ME3: variants seen among roughly 807,000 people sequenced by gnomAD.
The protein encoded by ME3 is NADP-dependent malic enzyme, mitochondrial.
In ME3, 48 loss-of-function variants were observed where a neutral mutation model predicts 68.9. The observed-to-expected ratio is 0.70, with a 90% CI of 0.55 to 0.89. The LOEUF (loss-of-function observed/expected upper bound fraction) is 0.89, where lower values mean the gene tolerates loss of function less well. Ranked by LOEUF, ME3 falls within the 40% of genes least tolerant of loss-of-function variation. The pLI, the probability that ME3 is intolerant of heterozygous loss-of-function variation, is 0.00. For missense variants in ME3, 675 were observed against 797.4 expected (o/e 0.85, Z 1.85); for synonymous variants, 320 against 318.8 (o/e 1.00, Z -0.04).
chr11:86,588,372 A>G (rs1229193211), intron 2 of ME3, among the ~76,000 whole-genome samples: 2 of 152,240 alleles, frequency 1.3e-5, no homozygotes, highest in Non-Finnish European at 2.9e-5. Context: ...GCTAACACAC[A>G]TTAATTACTT....
At chr11:86,628,304 G>A (rs1307848678) in intron 2 of ME3, among the ~76,000 whole-genome samples, 1 of 152,282 alleles carries the variant, frequency 6.6e-6, no homozygotes, top group East Asian at 1.9e-4. Flanking sequence ...CCAATACTTC[G>A]GGAGCCACTG....
intron 7 of ME3, among the ~76,000 whole-genome samples, chr11:86,481,481 C>T (rs1328924097): frequency 1.3e-5 from 2 of 152,166 alleles, no homozygotes; most frequent in Non-Finnish European, 1.5e-5. Flanking sequence ...GTATTCTTGA[C>T]AAGTTTCCTT....
intron 2 of ME3, among the ~76,000 whole-genome samples, chr11:86,583,204 A>T (rs145572228): frequency 6.6e-6 from 1 of 152,182 alleles, no homozygotes; most frequent in African/African-American, 2.4e-5. Context: ...ATGAGCACAG[A>T]CTGTGTGATA....
intron 4 of ME3, among the ~76,000 whole-genome samples, chr11:86,529,140 A>G (rs1955006059): frequency 6.6e-6 from 1 of 152,182 alleles, no homozygotes; most frequent in Non-Finnish European, 1.5e-5. Context: ...AGAGAGAAGA[A>G]TCAAATAGAC....
intron 2 of ME3, among the ~76,000 whole-genome samples, chr11:86,637,396 C>T (rs1944404384): frequency 6.7e-6 from 1 of 149,522 alleles, no homozygotes; most frequent in African/African-American, 2.5e-5. Context: ...GTGATAAGTG[C>T]CATGGCAGTG....
At chr11:86,648,673 T>C (rs577089451) in intron 2 of ME3, among the ~76,000 whole-genome samples, 7 of 152,264 alleles carry the variant, frequency 4.6e-5, no homozygotes, top group Admixed American at 4.6e-4. Flanking sequence ...CCCAAAGAAA[T>C]ACAAACTACC....
chr11:86,503,345 CCA>C (rs1376667599), intron 5 of ME3, among the ~76,000 whole-genome samples: 3 of 152,160 alleles, frequency 2.0e-5, no homozygotes, highest in African/African-American at 7.2e-5. Context: ...AGATATCAGC[CCA>C]CTTAGGGGAA....
At chr11:86,506,106 G>A (rs980379362) in intron 5 of ME3, among the ~76,000 whole-genome samples, 2 of 152,162 alleles carry the variant, frequency 1.3e-5, no homozygotes, top group African/African-American at 2.4e-5. Context: ...ACTAAAAGAT[G>A]GTTGAATGCA....
chr11:86,546,553 A>G (rs1956369433), intron 4 of ME3, among the ~76,000 whole-genome samples: 1 of 152,260 alleles, frequency 6.6e-6, no homozygotes, highest in Non-Finnish European at 1.5e-5. Context: ...CCACCAACAA[A>G]AATATGAAAA....
chr11:86,470,678 C>T (rs12804208), intron 7 of ME3, among the ~76,000 whole-genome samples: 13,329 of 152,294 alleles, frequency 0.088, 745 homozygotes, highest in Non-Finnish European at 0.13. Flanking sequence ...TGGTGGAACA[C>T]ACTTTGGGAG....
intron 7 of ME3, among the ~76,000 whole-genome samples, chr11:86,481,246 T>A (rs1439952144): frequency 8.9e-6 from 1 of 112,430 alleles, no homozygotes; most frequent in East Asian, 2.6e-4. Context: ...GAGACGGGGG[T>A]GTCACTATGT....
In ME3 at chr11:86,512,452, T is replaced by G. The variant is rs74385988; in HGVS notation, c.468-3585A>C. ...TTATTCACCACTATATCCCTAAACT[T>G]AGTCCATAATAGATGTGCAATGCAC... On this transcript the variant is annotated intron_variant, in intron 4 of 14. Coordinates refer to ENST00000543262, the Ensembl canonical transcript of ME3. 3.2e-3 allele frequency among the ~76,000 whole-genome samples: 480 copies of G among 152,346 alleles called. 1 individual carries two copies. Among genetic ancestry groups the G allele is most frequent in the African/African-American group, 0.011 (455 of 41,576 alleles).
At chr11:86,605,863 AC>A (rs1961559663) in intron 2 of ME3, among the ~76,000 whole-genome samples, 2 of 150,784 alleles carry the variant, frequency 1.3e-5, no homozygotes, top group African/African-American at 4.9e-5. Context: ...TCCACTTTAA[AC>A]CCCTGCCTCC....
In ME3 at chr11:86,491,643, G is replaced by C. The variant is rs141113747; in HGVS notation, c.706-4203C>G. The stretch of plus-strand genomic sequence containing the variant: ...AACTGATTCAGATATAAGAATGCCT[G>C]ACAGCAAGGGGTAGGAGTAGTAACC... On this transcript the variant is annotated intron_variant, in intron 6 of 14. Transcript: ENST00000543262. Among the ~76,000 whole-genome samples, 675 of 152,296 alleles carry C rather than the reference G, an allele frequency of 4.4e-3. 5 individuals are homozygous for C. The highest frequency in any genetic ancestry group is 0.015 in the African/African-American group (637 of 41,548).
At chr11:86,571,817 C>A (rs76930130) in intron 2 of ME3, among the ~76,000 whole-genome samples, 1 of 152,106 alleles carries the variant, frequency 6.6e-6, no homozygotes, top group East Asian at 1.9e-4. Context: ...TAGAGATTAA[C>A]GTAATGCAAG....
intron 2 of ME3, among the ~76,000 whole-genome samples, chr11:86,572,565 G>A (rs1231159109): frequency 6.6e-6 from 1 of 152,156 alleles, no homozygotes; most frequent in East Asian, 1.9e-4. Context: ...AGTTTGCTGA[G>A]GATGATGGCT....
At chr11:86,513,591 C>A (rs544108925) in intron 4 of ME3, among the ~76,000 whole-genome samples, 1 of 152,292 alleles carries the variant, frequency 6.6e-6, no homozygotes, top group South Asian at 2.1e-4. Flanking sequence ...GGATCTAGTT[C>A]TTGACAGACA....
At chr11:86,484,938 T>G (rs1335509344) in intron 7 of ME3, among the ~76,000 whole-genome samples, 1 of 152,178 alleles carries the variant, frequency 6.6e-6, no homozygotes, top group Non-Finnish European at 1.5e-5. Context: ...AGGATTTTTT[T>G]AAGAGGTTAG....
At chr11:86,559,768 G>A (rs778144081) in exon 3 of ME3, 15 of 1,613,926 alleles carry the variant, frequency 9.3e-6, no homozygotes, top group African/African-American at 4.0e-5. Context: ...AAAGCAGGGC[G>A]GGATTAGGCC....
Sources: gnomAD v4.1 joint callset for allele counts (sites outside exome capture counted in the v4.1 genomes callset) on GRCh38, gnomAD v4.1.1 for gene constraint, MANE v1.5 for transcripts, NCBI Gene and HGNC (gene_info 2026-07-23, HGNC 2026-07-21) for gene names.